The following CNOT2 variants were observed in gnomAD, a reference collection of about 807,000 sequenced individuals.
CNOT2 encodes CCR4-NOT transcription complex subunit 2, also known as CC chemokine receptor 4-negative regulator of transcription 2.
Under a neutral mutation model 72.1 loss-of-function variants are expected in CNOT2, and 7 were observed. The ratio of observed to expected loss-of-function variants is 0.10; its 90% CI spans 0.06 to 0.18. The LOEUF (loss-of-function observed/expected upper bound fraction) is 0.18, where lower values mean the gene tolerates loss of function less well. Among genes scored for constraint, CNOT2 ranks in the 10% least tolerant of loss-of-function variants. The pLI is 1.00. For missense variants in CNOT2, 345 were observed against 660.3 expected, an observed-to-expected ratio of 0.52 and a Z score of 5.23; for synonymous variants, 196 against 225.6, an observed-to-expected ratio of 0.87 and a Z score of 1.17.
chr12:70,304,476 C>T lies in CNOT2; in HGVS notation c.49-6419C>T, dbSNP rs533543253. Among the ~76,000 whole-genome samples, 3 of 152,328 alleles carry T rather than the reference C, an allele frequency of 2.0e-5. No individual in the cohort carries two copies. The South Asian group carries it at 6.2e-4, about 32-fold the overall frequency. On this transcript the variant is annotated intron_variant, in intron 2 of 15. Transcript: ENST00000229195. ...GTTTGCTGGAGGTCCACTCCAGACCCTGTTTGCCTGGGTATCAGCAGCGGT... is the reference window on the plus strand; with the variant it reads ...GTTTGCTGGAGGTCCACTCCAGACCTTGTTTGCCTGGGTATCAGCAGCGGT...
intron 3 of CNOT2, among the ~76,000 whole-genome samples, chr12:70,315,671 C>T (rs536982038): frequency 4.4e-4 from 67 of 152,106 alleles, no homozygotes; most frequent in African/African-American, 1.5e-3. Flanking sequence ...CTAGTTGCTT[C>T]CTGGTTTTTA....
intron 1 of CNOT2, among the ~76,000 whole-genome samples, chr12:70,246,184 C>A (rs1957868015): frequency 6.6e-6 from 1 of 152,072 alleles, no homozygotes; most frequent in South Asian, 2.1e-4. Flanking sequence ...TATTTTCTTG[C>A]TCTTTAAAAG....
At chr12:70,305,036 T>C (rs1002303859) in intron 2 of CNOT2, among the ~76,000 whole-genome samples, 1 of 152,186 alleles carries the variant, frequency 6.6e-6, no homozygotes, top group African/African-American at 2.4e-5. Flanking sequence ...AGTATTAGGG[T>C]GGGAGTGACC....
chr12:70,339,046 G>GCA, intron 11 of CNOT2, among the ~76,000 whole-genome samples: 1 of 140,836 alleles, frequency 7.1e-6, no homozygotes, highest in East Asian at 2.2e-4. Flanking sequence ...GTGTGTGTGT[G>GCA]TGTGCATGTG....
intron 1 of CNOT2, among the ~76,000 whole-genome samples, chr12:70,271,775 G>A (rs1959266739): frequency 1.3e-5 from 2 of 152,074 alleles, no homozygotes; most frequent in African/African-American, 4.8e-5. Context: ...TGTTTGCTAT[G>A]GTGAGACAGC....
At chr12:70,267,379 G>T (rs1488119137) in intron 1 of CNOT2, among the ~76,000 whole-genome samples, 1 of 152,110 alleles carries the variant, frequency 6.6e-6, no homozygotes, top group Non-Finnish European at 1.5e-5. Context: ...TTTTCACATG[G>T]TCTTCTTTCT....
At chr12:70,257,353 C>CTTTTTT (rs1565733065) in intron 1 of CNOT2, among the ~76,000 whole-genome samples, 1 of 138,938 alleles carries the variant, frequency 7.2e-6, no homozygotes, top group South Asian at 2.4e-4. Flanking sequence ...CCAACTACCC[C>CTTTTTT]CTTTTTTTTT....
At chr12:70,315,156 G>T (rs552453975) in intron 3 of CNOT2, among the ~76,000 whole-genome samples, 1 of 152,076 alleles carries the variant, frequency 6.6e-6, no homozygotes, top group Non-Finnish European at 1.5e-5. Flanking sequence ...GAGCCACCGT[G>T]CCTGGCCTTG....
intron 2 of CNOT2, among the ~76,000 whole-genome samples, chr12:70,283,467 T>TAGATA (rs1555192629): frequency 4.2e-5 from 6 of 142,562 alleles, no homozygotes; most frequent in South Asian, 2.3e-4. Context: ...GTCAGTCGAT[T>TAGATA]GATAGATAGA....
chr12:70,267,845 A>G (rs948104281), intron 1 of CNOT2, among the ~76,000 whole-genome samples: 3 of 152,254 alleles, frequency 2.0e-5, no homozygotes, highest in African/African-American at 7.2e-5. Flanking sequence ...TTGTAAATAA[A>G]GTTTTATTGG....
At chr12:70,273,081 T>A (rs773958664) in intron 1 of CNOT2, among the ~76,000 whole-genome samples, 3 of 152,142 alleles carry the variant, frequency 2.0e-5, no homozygotes, top group Non-Finnish European at 4.4e-5. Context: ...GTGCCATAAT[T>A]TTTCCTGTCT....
In CNOT2 at chr12:70,293,914, CTTTTTTTT is replaced by C. The variant is rs34038348; in HGVS notation, c.48+15659_48+15666del. On this transcript the variant is annotated intron_variant, in intron 2 of 15. Transcript: ENST00000229195. ...GTGTGCAAGTTTGTGGTGAGCACTG[CTTTTTTTT>C]TTTTTTTTTTTTTTTTTTAAACTTA... Among the ~76,000 whole-genome samples, 13 of 71,344 alleles carry C rather than the reference CTTTTTTTT, an allele frequency of 1.8e-4. No homozygotes were observed. The East Asian group carries it at 6.7e-3, about 37-fold the overall frequency. 46.8% of individuals were successfully genotyped at this position (71,344 alleles called of 152,430 possible). A position where few individuals can be genotyped will look rare whatever the true frequency, so the allele number is the denominator to read the frequency against.
intron 1 of CNOT2, among the ~76,000 whole-genome samples, chr12:70,264,395 A>C (rs903373886): frequency 1.1e-4 from 16 of 152,124 alleles, no homozygotes; most frequent in African/African-American, 3.6e-4. Flanking sequence ...TCTTTTTGGG[A>C]GGCTTTTAGA....
At chr12:70,330,136 A>G in intron 5 of CNOT2, 151 bp from the exon 6 acceptor site, 1 of 461,824 alleles carries the variant, frequency 2.2e-6, no homozygotes, top group African/African-American at 2.0e-5. Context: ...TTTCTTTTCA[A>G]AGAGCTAGAA....
At chr12:70,350,092 G>A (rs368540017) in intron 15 of CNOT2, among the ~76,000 whole-genome samples, 9 of 151,756 alleles carry the variant, frequency 5.9e-5, no homozygotes, top group South Asian at 2.1e-4. Context: ...CTCCTGTGTC[G>A]TTTTGCTGGA....
chr12:70,330,354 C>T lies in CNOT2; in HGVS notation c.454C>T (p.Pro152Ser). The T allele has an allele frequency of 6.2e-7, 1 of 1,611,118 alleles. No individual in the cohort carries two copies. The highest frequency in any genetic ancestry group is 8.5e-7 in the Non-Finnish European group (1 of 1,177,826). The change falls in exon 6 of 16, where the codon CCT (proline) becomes TCT (serine). Residue 152 changes from proline (P) to serine (S), a missense_variant. By Grantham distance (74) the Pro-to-Ser change is moderately conservative. Transcript: ENST00000229195. ...HSQVGQGIGI[P>S]SRTNSMSSSG... is the part of the protein sequence containing the mutation. ...CCAGGTTGGTCAGGGCATTGGAATT[C>T]CTAGCAGGACAAATAGCATGAGCAG... is the stretch of plus-strand genomic sequence containing the variant.
At chr12:70,265,207 ACTT>A (rs1958962494) in intron 1 of CNOT2, among the ~76,000 whole-genome samples, 1 of 151,918 alleles carries the variant, frequency 6.6e-6, no homozygotes, top group South Asian at 2.1e-4. Flanking sequence ...AGTTGGTATT[ACTT>A]CTTCTTTAAG....
intron 3 of CNOT2, among the ~76,000 whole-genome samples, chr12:70,314,811 C>G (rs755417877): frequency 5.9e-5 from 9 of 151,828 alleles, no homozygotes; most frequent in Non-Finnish European, 1.3e-4. Flanking sequence ...TGTCTGCCTC[C>G]TCCCTTGCCC....
In CNOT2 at chr12:70,337,423, C is replaced by T. The variant is rs1199025801; in HGVS notation, c.810C>T (p.Ser270=). 1.2e-6 allele frequency: 2 copies of T among 1,609,224 alleles called. No individual in the cohort carries two copies. The highest frequency in any genetic ancestry group is 2.2e-5 in the South Asian group (2 of 90,948). Reference sequence around the variant, plus strand: ...TAACAAAACCAGCAAATGAACAATCCCAGGACTTCTCAATACACAATGAAG... The same window carrying T: ...TAACAAAACCAGCAAATGAACAATCTCAGGACTTCTCAATACACAATGAAG... ...GMVTKPANEQ[S]QDFSIHNEDF... is the part of the protein sequence containing the mutation. The change falls in exon 9 of 16, where the codon TCC becomes TCT. Residue 270 remains serine, a synonymous_variant. Transcript: ENST00000229195.
Sources: gnomAD v4.1 joint callset for allele counts (sites outside exome capture counted in the v4.1 genomes callset) on GRCh38, gnomAD v4.1.1 for gene constraint, MANE v1.5 for transcripts, NCBI Gene and HGNC (gene_info 2026-07-23, HGNC 2026-07-21) for gene names.